TMEM117: variants seen among roughly 807,000 people sequenced by gnomAD.
The protein encoded by TMEM117 is transmembrane protein 117.
A neutral mutation model predicts 52.4 loss-of-function variants in TMEM117; 27 were observed. The observed-to-expected ratio is 0.51, with a 90% confidence interval of 0.38 to 0.71. TMEM117 has a LOEUF of 0.71. Ranked by LOEUF, TMEM117 falls within the 30% of genes least tolerant of loss-of-function variation. The pLI, the probability that TMEM117 is intolerant of heterozygous loss-of-function variation, is 0.00. For missense variants in TMEM117, 556 were observed against 630.5 expected (o/e 0.88, Z 1.26); for synonymous variants, 215 against 206.3 (o/e 1.04, Z -0.36).
At chr12:44,239,566 A>G (rs1950037511) in intron 5 of TMEM117, among the ~76,000 whole-genome samples, 2 of 152,072 alleles carry the variant, frequency 1.3e-5, no homozygotes, top group South Asian at 2.1e-4. Context: ...AAATAGTCCA[A>G]ATTTGTTCAG....
chr12:44,202,822 T>TGTGTCACCCAGGCTAGAGTGCA (rs1293287081), intron 4 of TMEM117, among the ~76,000 whole-genome samples: 1 of 151,664 alleles, frequency 6.6e-6, no homozygotes, highest in Non-Finnish European at 1.5e-5. Context: ...GGAGTCTTAC[T>TGTGTCACCCAGGCTAGAGTGCA]GTGTCACCCA....
At chr12:44,203,005 C>T (rs1371732758) in intron 4 of TMEM117, among the ~76,000 whole-genome samples, 3 of 151,828 alleles carry the variant, frequency 2.0e-5, no homozygotes, top group African/African-American at 4.8e-5. Context: ...ATGTTGGCTA[C>T]GCTTGTCTCA....
At chr12:44,114,531 C>A (rs1459208020) in intron 3 of TMEM117, among the ~76,000 whole-genome samples, 1 of 152,148 alleles carries the variant, frequency 6.6e-6, no homozygotes, top group African/African-American at 2.4e-5. Context: ...CTAAATCAAG[C>A]CTTCCATCTG....
At chr12:44,000,734 C>T (rs1420683071) in intron 3 of TMEM117, among the ~76,000 whole-genome samples, 1 of 152,176 alleles carries the variant, frequency 6.6e-6, no homozygotes, top group Non-Finnish European at 1.5e-5. Context: ...GGTCCCTGCA[C>T]TTCCCTGCTA....
At chr12:44,106,443 G>C (rs1947955435) in intron 3 of TMEM117, among the ~76,000 whole-genome samples, 1 of 151,962 alleles carries the variant, frequency 6.6e-6, no homozygotes, top group Admixed American at 6.6e-5. Flanking sequence ...TTGGTCTTTT[G>C]CTCTGAGTGA....
intron 4 of TMEM117, among the ~76,000 whole-genome samples, chr12:44,187,634 C>G (rs527360871): frequency 1.3e-5 from 2 of 152,244 alleles, no homozygotes; most frequent in South Asian, 4.1e-4. Context: ...TGTGCTGGGT[C>G]TTGAGTTATA....
At chr12:43,833,591 C>G (rs1180916382), upstream of TMEM117, among the ~76,000 whole-genome samples, 1 of 151,934 alleles carries the variant, frequency 6.6e-6, no homozygotes, top group African/African-American at 2.4e-5. Flanking sequence ...GCCAGGAGTT[C>G]ACAATCAGGT....
chr12:44,145,647 A>T (rs1204219064), intron 4 of TMEM117, among the ~76,000 whole-genome samples: 1 of 152,186 alleles, frequency 6.6e-6, no homozygotes, highest in East Asian at 1.9e-4. Flanking sequence ...CATTGATCCA[A>T]ACCTCAGGAT....
chr12:44,195,562 G>A (rs1471730332), intron 4 of TMEM117, among the ~76,000 whole-genome samples: 8 of 151,968 alleles, frequency 5.3e-5, no homozygotes, highest in African/African-American at 9.7e-5. Flanking sequence ...TGTTTAAAAC[G>A]TAAAGTAATA....
intron 2 of TMEM117, among the ~76,000 whole-genome samples, chr12:43,848,856 C>G (rs1474024709): frequency 6.6e-6 from 1 of 152,232 alleles, no homozygotes; most frequent in South Asian, 2.1e-4. Context: ...GCCCGTCCCT[C>G]TGTTCGGAGT....
chr12:44,022,760 T>A lies in TMEM117; in HGVS notation c.410+78418T>A, dbSNP rs150377433. Among the ~76,000 whole-genome samples the A allele has an allele frequency of 1.4e-3, 216 of 152,304 alleles. 3 individuals are homozygous for A. In the East Asian group the frequency reaches 0.025, roughly 18 times the overall value. ...AGTTTCCCCAAATCATCAAAATAAT[T>A]GTTGTATGTTCCTTTCTCATGATTC... On this transcript the variant is annotated intron_variant, in intron 3 of 7. Transcript: ENST00000266534.
At chr12:43,915,842 T>C (rs1371977058) in intron 2 of TMEM117, among the ~76,000 whole-genome samples, 1 of 152,060 alleles carries the variant, frequency 6.6e-6, no homozygotes, top group African/African-American at 2.4e-5. Context: ...GGGAACACTT[T>C]TTTTATTTTT....
At chr12:43,993,013 T>A (rs1231538270) in intron 3 of TMEM117, among the ~76,000 whole-genome samples, 1 of 152,158 alleles carries the variant, frequency 6.6e-6, no homozygotes, top group Non-Finnish European at 1.5e-5. Flanking sequence ...GTGGAACAAA[T>A]GTTCAGTAGT....
At chr12:44,020,658 T>A (rs1408310634) in intron 3 of TMEM117, among the ~76,000 whole-genome samples, 1 of 152,240 alleles carries the variant, frequency 6.6e-6, no homozygotes, top group South Asian at 2.1e-4. Context: ...TAGGGATTTT[T>A]TATGTAAATT....
At chr12:43,849,886 C>T (rs1278607607) in intron 2 of TMEM117, among the ~76,000 whole-genome samples, 1 of 152,186 alleles carries the variant, frequency 6.6e-6, no homozygotes, top group Non-Finnish European at 1.5e-5. Flanking sequence ...TGTCTCTGCT[C>T]ATGGCAGTTG....
At chr12:44,141,368 T>C (rs1447206597) in intron 3 of TMEM117, among the ~76,000 whole-genome samples, 1 of 152,146 alleles carries the variant, frequency 6.6e-6, no homozygotes, top group Non-Finnish European at 1.5e-5. Context: ...TCATTTTTCC[T>C]GATCCTCTCT....
intron 5 of TMEM117, among the ~76,000 whole-genome samples, chr12:44,231,813 T>C (rs1050452798): frequency 6.6e-6 from 1 of 151,816 alleles, no homozygotes; most frequent in African/African-American, 2.4e-5. Flanking sequence ...AGAAGAGTTT[T>C]TAAATATTTT....
intron 3 of TMEM117, among the ~76,000 whole-genome samples, chr12:44,097,018 GA>G (rs1235420802): frequency 6.6e-6 from 1 of 151,916 alleles, no homozygotes; most frequent in East Asian, 1.9e-4. Context: ...AAATTTACAA[GA>G]AAAAAACAAA....
rs575423478 is a variant in TMEM117, at chr12:44,243,157, C to A, written c.608+31770C>A. Among the ~76,000 whole-genome samples, 5 of 151,942 alleles carry A rather than the reference C, an allele frequency of 3.3e-5. No individual in the cohort carries two copies. In the South Asian group the frequency reaches 8.3e-4, roughly 25 times the overall value. Reference sequence around the variant, plus strand: ...TTCCTTATAGATGCTAGATATTATACCTTTGTCAAATGCCTAGTTCACAGA... The same window carrying A: ...TTCCTTATAGATGCTAGATATTATAACTTTGTCAAATGCCTAGTTCACAGA... On this transcript the variant is annotated intron_variant, in intron 5 of 7. Transcript: ENST00000266534.
Sources: allele counts gnomAD v4.1 joint callset (sites outside exome capture counted in the v4.1 genomes callset), GRCh38; gene constraint gnomAD v4.1.1; transcripts MANE v1.5; gene names NCBI Gene and HGNC (gene_info 2026-07-23, HGNC 2026-07-21).